The following CRYBA1 variants were observed in gnomAD, a reference collection of about 807,000 sequenced individuals.
CRYBA1 encodes the protein beta-crystallin A3.
A neutral mutation model predicts 36.2 loss-of-function variants in CRYBA1; 25 were observed. The observed-to-expected ratio is 0.69, with a 90% CI of 0.50 to 0.97. The LOEUF (loss-of-function observed/expected upper bound fraction) is 0.97. CRYBA1 is among the 50% of genes least tolerant of loss of function. The pLI, the probability that CRYBA1 is intolerant of heterozygous loss-of-function variation, is 0.00. For missense variants in CRYBA1, 224 were observed against 276.3 expected (o/e 0.81, Z 1.34); for synonymous variants, 111 against 90.0 (o/e 1.23, Z -1.32).
At chr17:29,247,360 TA>T (rs1208901186) in intron 1 of CRYBA1, among the ~76,000 whole-genome samples, 3 of 152,242 alleles carry the variant, frequency 2.0e-5, no homozygotes, top group African/African-American at 7.2e-5. Flanking sequence ...CTTCCTTTTT[TA>T]AAACTCGTCC....
intron 3 of CRYBA1, 77 bp from the exon 4 acceptor site, chr17:29,251,987 C>G: frequency 3.1e-6 from 5 of 1,600,544 alleles, no homozygotes; most frequent in Non-Finnish European, 4.3e-6. Context: ...ATTGACTTAT[C>G]TAAAACGAAA....
rs1469002786 is a variant in CRYBA1 at position 29,250,359 on chromosome 17, A to T, written c.215+59A>T. ...TATTTCAGGTCCCTTCAGACAGGGGACCATAGAGTGGGGATAGGGGAAGAA... is the reference window on the plus strand; with the variant it reads ...TATTTCAGGTCCCTTCAGACAGGGGTCCATAGAGTGGGGATAGGGGAAGAA... On this transcript the variant is annotated intron_variant, in intron 3 of 5. Coordinates refer to ENST00000225387, the MANE Select transcript of CRYBA1 (RefSeq NM_005208.5). 5 of 950,906 alleles carry T rather than the reference A, an allele frequency of 5.3e-6. No individual in the cohort carries two copies. The African/African-American group carries it at 6.4e-5, about 12-fold the overall frequency. The allele number at this position is 950,906 out of a possible 1,614,324, so 58.9% of individuals were successfully genotyped here.
intron 1 of CRYBA1, among the ~76,000 whole-genome samples, 198 bp from the exon 2 acceptor site, chr17:29,248,944 G>C (rs989462240): frequency 5.3e-5 from 8 of 152,100 alleles, no homozygotes; most frequent in Non-Finnish European, 1.0e-4. Context: ...CTCCAGCCTG[G>C]ATGACAGAGA....
rs2068955501 is a variant in CRYBA1, at chr17:29,254,293, T to C, written c.592T>C (p.Trp198Arg). The change falls in exon 6 of 6, where the codon TGG becomes CGG. Residue 198 changes from tryptophan to arginine, a missense_variant. By Grantham distance (101) the Trp-to-Arg change is moderately radical. Transcript: ENST00000225387. ...HGGDYKHWRE[W>R]GSHAQTSQIQ... ...AGGAGACTATAAACATTGGAGAGAG[T>C]GGGGCTCTCATGCCCAGACTTCGCA... The C allele has an allele frequency of 6.2e-7, 1 of 1,613,986 alleles. No homozygotes were observed. Among genetic ancestry groups the C allele is most frequent in the Non-Finnish European group, 8.5e-7 (1 of 1,179,958 alleles).
intron 4 of CRYBA1, among the ~76,000 whole-genome samples, chr17:29,252,478 T>G (rs1156593973): frequency 6.6e-6 from 1 of 152,138 alleles, no homozygotes; most frequent in Non-Finnish European, 1.5e-5. Context: ...CACTAGTAAA[T>G]GAGTGAAAGT....
intron 1 of CRYBA1, 72 bp from the exon 2 acceptor site, chr17:29,249,070 C>T: frequency 1.0e-6 from 1 of 990,420 alleles, no homozygotes; most frequent in East Asian, 2.4e-5. Flanking sequence ...GTCTCCTTTA[C>T]CTTTCAAGGC....
chr17:29,254,346 GT>G lies in CRYBA1; in HGVS notation c.646del (p.Ter216SerfsTer2). On this transcript the variant is annotated frameshift_variant and stop_lost, in exon 6 of 6. Coordinates refer to ENST00000225387, the MANE Select transcript of CRYBA1 (RefSeq NM_005208.5). LOFTEE classifies it high-confidence loss of function. Reference protein sequence around the residue: ...QIQSIRRIQQ* With the variant: ...QIQSIRRIQQX ...TCCAATCGATTCGCCGAATCCAACAGTAGCTGATTAAAAGCTCCAAGTACGA... is the reference window on the plus strand; with the variant it reads ...TCCAATCGATTCGCCGAATCCAACAGAGCTGATTAAAAGCTCCAAGTACGA... The G allele has an allele frequency of 6.2e-7, 1 of 1,614,132 alleles. No homozygotes were observed. Among genetic ancestry groups the G allele is most frequent in the African/African-American group, 1.3e-5 (1 of 75,030 alleles).
chr17:29,253,869 A>T, intron 5 of CRYBA1, 87 bp downstream of exon 5: 2 of 1,451,032 alleles, frequency 1.4e-6, no homozygotes, highest in African/African-American at 2.8e-5. Context: ...TTTCATACGT[A>T]TCGGTATAGA....
intron 1 of CRYBA1, among the ~76,000 whole-genome samples, chr17:29,247,102 C>T (rs1462645951): frequency 6.6e-6 from 1 of 152,234 alleles, no homozygotes; most frequent in East Asian, 1.9e-4. Flanking sequence ...GCAACTAAGG[C>T]TGGGGGATGG....
chr17:29,247,019 G>A (rs2068905022), intron 1 of CRYBA1, 125 bp downstream of exon 1: 9 of 1,054,288 alleles, frequency 8.5e-6, no homozygotes, highest in Middle Eastern at 3.0e-4. Flanking sequence ...GAAGAGTGGG[G>A]AACTCTGGCG....
chr17:29,253,880 T>C, intron 5 of CRYBA1, 98 bp downstream of exon 5: 2 of 1,408,788 alleles, frequency 1.4e-6, no homozygotes, highest in Non-Finnish European at 2.0e-6. Flanking sequence ...TCGGTATAGA[T>C]GTCACATTCT....
At position 29,253,714 on chromosome 17, in the gene CRYBA1, C is replaced by T. The variant is rs762912979; in HGVS notation, c.432C>T (p.Asp144=). 6.8e-6 allele frequency: 11 copies of T among 1,614,158 alleles called. No homozygotes were observed. Among genetic ancestry groups the T allele is most frequent in the Non-Finnish European group, 8.5e-6 (10 of 1,180,008 alleles). Residue 144 remains aspartate, a synonymous_variant, in exon 5 of 6, where the codon GAC becomes GAT. Transcript: ENST00000225387. ...FIGRQWEISD[D]YPSLQAMGWF... The stretch of plus-strand genomic sequence containing the variant: ...GACGCCAGTGGGAGATCTCTGACGA[C>T]TACCCCTCCTTGCAAGCCATGGGCT...
At chr17:29,249,924 A>G (rs2068925075) in intron 2 of CRYBA1, among the ~76,000 whole-genome samples, 1 of 152,166 alleles carries the variant, frequency 6.6e-6, no homozygotes, top group African/African-American at 2.4e-5. Context: ...ATTGGTCTAG[A>G]TATTATCCCT....
Position 29,253,867 on chromosome 17 carries a change from G to C in CRYBA1, c.500+85G>C, listed in dbSNP as rs547103726. 58 of 1,479,380 alleles carry C rather than the reference G, an allele frequency of 3.9e-5. No homozygotes were observed. The South Asian group carries it at 6.2e-4, about 16-fold the overall frequency. The allele number at this position is 1,479,380 out of a possible 1,614,324, so 91.6% of individuals were successfully genotyped here. A position where few individuals can be genotyped will look rare whatever the true frequency, so the allele number is the denominator to read the frequency against. ...GTTATGTTTTAATCAGATTTCATACGTATCGGTATAGATGTCACATTCTAG... is the reference window on the plus strand; with the variant it reads ...GTTATGTTTTAATCAGATTTCATACCTATCGGTATAGATGTCACATTCTAG... On this transcript the variant is annotated intron_variant, in intron 5 of 5. Transcript: ENST00000225387.
Position 29,254,399 on chromosome 17 carries a change from A to G in CRYBA1, c.*50A>G. ...AATTCCTCAAGCATGAGACCTTGCT[A>G]AGCACTCTAGAATAAGTTTTATGTT... is the stretch of plus-strand genomic sequence containing the variant. On this transcript the variant is annotated 3_prime_UTR_variant, in exon 6 of 6. Coordinates refer to ENST00000225387, the MANE Select transcript of CRYBA1 (RefSeq NM_005208.5). 6.3e-7 allele frequency: 1 copy of G among 1,589,800 alleles called. No homozygotes were observed. The highest frequency in any genetic ancestry group is 8.6e-7 in the Non-Finnish European group (1 of 1,158,076).
chr17:29,249,099 C>T, intron 1 of CRYBA1, 43 bp from the exon 2 acceptor site: 1 of 1,347,852 alleles, frequency 7.4e-7, no homozygotes, highest in Non-Finnish European at 1.1e-6. Context: ...ACCTCCCCCT[C>T]CTCCCAAGAG....
intron 4 of CRYBA1, among the ~76,000 whole-genome samples, chr17:29,252,950 TTCAATC>T (rs2068945060): frequency 6.6e-6 from 1 of 152,210 alleles, no homozygotes; most frequent in Admixed American, 6.5e-5. Context: ...TGGAAATTAT[TTCAATC>T]TCACTTTTAA....
At chr17:29,247,120 C>A (rs2068905632) in intron 1 of CRYBA1, among the ~76,000 whole-genome samples, 1 of 152,204 alleles carries the variant, frequency 6.6e-6, no homozygotes, top group Non-Finnish European at 1.5e-5. Context: ...TGGGCATGGG[C>A]CCCCAAGAAA....
At chr17:29,251,859 C>A (rs1445695467) in intron 3 of CRYBA1, among the ~76,000 whole-genome samples, 1 of 152,090 alleles carries the variant, frequency 6.6e-6, no homozygotes, top group African/African-American at 2.4e-5. Context: ...AGTGATAACC[C>A]CCAAACAAAT....
Sources: allele counts gnomAD v4.1 joint callset (sites outside exome capture counted in the v4.1 genomes callset), GRCh38; gene constraint gnomAD v4.1.1; transcripts MANE v1.5; gene names NCBI Gene and HGNC (gene_info 2026-07-23, HGNC 2026-07-21).